Variants in ACOT7 observed in about 807,000 individuals in gnomAD.
ACOT7 encodes acyl-CoA thioesterase 7.
ACOT7 carries 12 observed loss-of-function variants against 40.2 expected under a neutral mutation model. That is an observed-to-expected ratio of 0.30 (90% confidence interval 0.19 to 0.48). ACOT7 has a LOEUF of 0.48. Among genes scored for constraint, ACOT7 ranks in the 20% least tolerant of loss-of-function variants. The probability of loss-of-function intolerance (pLI) is 0.99; values close to 1 mark genes in which losing one functional copy is unlikely to be tolerated. For missense variants in ACOT7, 395 were observed against 530.8 expected (o/e 0.74, Z 2.51); for synonymous variants, 228 against 219.5 (o/e 1.04, Z -0.34).
chr1:6,393,571 G>A lies in ACOT7; in HGVS notation c.-172C>T. ...GAGCTCGCGCGGGCGTACGATTCTG[G>A]CGGCGTGGGGGCCCAGGCAGCCGCC... On this transcript the variant is annotated 5_prime_UTR_variant, in exon 1 of 9. Coordinates refer to ENST00000361521, the MANE Select transcript of ACOT7 (RefSeq NM_007274.4). 1 of 513,078 alleles carries A rather than the reference G, an allele frequency of 1.9e-6. No homozygotes were observed. The highest frequency in any genetic ancestry group is 2.9e-6 in the Non-Finnish European group (1 of 347,304). The allele number at this position is 513,078 out of a possible 1,614,324, so 31.8% of individuals were successfully genotyped here. A position where few individuals can be genotyped will look rare whatever the true frequency, so the allele number is the denominator to read the frequency against.
chr1:6,321,541 G>A (rs1459692066), intron 5 of ACOT7, among the ~76,000 whole-genome samples: 1 of 152,202 alleles, frequency 6.6e-6, no homozygotes, highest in Non-Finnish European at 1.5e-5. Context: ...TTGAGACGGA[G>A]TCTCGCTCTG....
rs145048060 is a variant in ACOT7 at position 6,300,854 on chromosome 1, G to A, written c.713-5874C>T. Among the ~76,000 whole-genome samples, 627 of 152,286 alleles carry A rather than the reference G, an allele frequency of 4.1e-3. 2 individuals carry two copies. Among genetic ancestry groups the A allele is most frequent in the African/African-American group, 0.015 (604 of 41,546 alleles). ...CACAAACACAGAATGACCAACACCG[G>A]GTCTCACTGGACAACACCCGATGAG... On this transcript the variant is annotated intron_variant, in intron 6 of 8. Transcript: ENST00000361521.
chr1:6,316,193 G>A (rs889255658), intron 6 of ACOT7, among the ~76,000 whole-genome samples: 25 of 152,192 alleles, frequency 1.6e-4, no homozygotes, highest in Non-Finnish European at 3.7e-4. Flanking sequence ...CACAATACTC[G>A]GAAGTGGCAG....
chr1:6,273,740 C>T (rs1476955157), intron 8 of ACOT7, among the ~76,000 whole-genome samples: 1 of 152,282 alleles, frequency 6.6e-6, no homozygotes, highest in East Asian at 1.9e-4. Context: ...AGAGCCCGCA[C>T]ACGGGCGCAG....
chr1:6,290,359 T>C (rs995304786), intron 7 of ACOT7, among the ~76,000 whole-genome samples: 4 of 152,200 alleles, frequency 2.6e-5, no homozygotes, highest in Admixed American at 2.6e-4. Flanking sequence ...TCTCAACTCC[T>C]GGGCTTTTCC....
In ACOT7 at chr1:6,385,834, G is replaced by GTT. The variant is rs1553163150; in HGVS notation, c.143+7422_143+7423insAA. The GTT allele has an allele frequency of 1.2e-3, 1,763 of 1,411,244 alleles. 23 individuals carry two copies. Among genetic ancestry groups the GTT allele is most frequent in the African/African-American group, 1.1e-3 (77 of 68,960 alleles). The allele number at this position is 1,411,244 out of a possible 1,614,324, so 87.4% of individuals were successfully genotyped here. On this transcript the variant is annotated intron_variant, in intron 1 of 8. Transcript: ENST00000361521. ...GACCGCCCCTCCCCCACCAGCCCCCGGCAAGCCGCCTCCTCGGCTTCCGGA... is the reference window on the plus strand; with the variant it reads ...GACCGCCCCTCCCCCACCAGCCCCCGTTGCAAGCCGCCTCCTCGGCTTCCGGA...
At chr1:6,376,474 A>G (rs1217901095) in intron 1 of ACOT7, among the ~76,000 whole-genome samples, 2 of 151,830 alleles carry the variant, frequency 1.3e-5, no homozygotes, top group Admixed American at 6.6e-5. Context: ...CATGCATGTA[A>G]TCCCAGCACT....
At position 6,393,335 on chromosome 1, in the gene ACOT7, G is replaced by T. The variant is rs779880776; in HGVS notation, c.65C>A (p.Pro22Gln). The T allele has an allele frequency of 7.9e-7, 1 of 1,258,492 alleles. No homozygotes were observed. Among genetic ancestry groups the T allele is most frequent in the Non-Finnish European group, 1.0e-6 (1 of 1,001,892 alleles). The allele number at this position is 1,258,492 out of a possible 1,614,324, so 78.0% of individuals were successfully genotyped here. The part of the protein sequence containing the change: ...GLPDTCALLQ[P>Q]PAASAAAAPS... ...GGCTGCGGCGGCGGATGCGGCGGGC[G>T]GCTGCAGAAGGGCGCAGGTGTCTGG... The change falls in exon 1 of 9, where the codon CCG becomes CAG. Residue 22 changes from proline (P) to glutamine (Q), a missense_variant. Transcript: ENST00000361521.
At chr1:6,322,746 C>T (rs1427483391) in intron 5 of ACOT7, among the ~76,000 whole-genome samples, 1 of 152,238 alleles carries the variant, frequency 6.6e-6, no homozygotes, top group Non-Finnish European at 1.5e-5. Flanking sequence ...CATTCAGTGA[C>T]ATTCTGAGGG....
intron 6 of ACOT7, among the ~76,000 whole-genome samples, chr1:6,298,834 C>T (rs775906780): frequency 2.4e-4 from 36 of 152,196 alleles, no homozygotes; most frequent in Admixed American, 1.8e-3. Flanking sequence ...TAGCCCAGGA[C>T]GGCAAGGAAG....
chr1:6,386,148 G>C (rs6687830), intron 1 of ACOT7, among the ~76,000 whole-genome samples: 11,557 of 152,258 alleles, frequency 0.076, 490 homozygotes, highest in Non-Finnish European at 0.091. Flanking sequence ...GGAAGGCTGC[G>C]GGGAAGCCGA....
chr1:6,338,572 T>C lies in ACOT7; in HGVS notation c.418+861A>G, dbSNP rs1159153145. Reference sequence around the variant, plus strand: ...ACACAGCCATTCTAATCAACCCTGCTGAGGTCCTCAGAATGTTCTAGATGC... The same window carrying C: ...ACACAGCCATTCTAATCAACCCTGCCGAGGTCCTCAGAATGTTCTAGATGC... On this transcript the variant is annotated intron_variant, in intron 3 of 8. Coordinates refer to ENST00000361521, the MANE Select transcript of ACOT7 (RefSeq NM_007274.4). The surrounding 1 kb of genome is among the most constrained non-coding windows in gnomAD (Gnocchi z 4.4). 6.6e-6 allele frequency among the ~76,000 whole-genome samples: 1 copy of C among 152,236 alleles called. No homozygotes were observed. Among genetic ancestry groups the C allele is most frequent in the Non-Finnish European group, 1.5e-5 (1 of 68,042 alleles).
chr1:6,269,086 C>T (rs1475116850), intron 8 of ACOT7, among the ~76,000 whole-genome samples: 1 of 152,252 alleles, frequency 6.6e-6, no homozygotes, highest in Non-Finnish European at 1.5e-5. Context: ...CCAACAACCC[C>T]ACCAAGCAGC....
intron 8 of ACOT7, among the ~76,000 whole-genome samples, chr1:6,270,337 C>G (rs774613070): frequency 2.0e-5 from 3 of 152,166 alleles, no homozygotes; most frequent in Non-Finnish European, 2.9e-5. Flanking sequence ...GAACGCTCTG[C>G]GGGAAGACAG....
intron 6 of ACOT7, among the ~76,000 whole-genome samples, chr1:6,297,599 G>A (rs72854332): frequency 0.076 from 11,497 of 152,194 alleles, 1,057 homozygotes; most frequent in African/African-American, 0.22. Context: ...TGAGAGGCAC[G>A]CATCTTGTGG....
chr1:6,303,534 G>A (rs566895698), intron 6 of ACOT7, among the ~76,000 whole-genome samples: 1 of 152,312 alleles, frequency 6.6e-6, no homozygotes, highest in South Asian at 2.1e-4. Flanking sequence ...GCAAACCCAA[G>A]GCGGCAGTTC....
At chr1:6,334,498 G>T (rs548693335) in intron 3 of ACOT7, among the ~76,000 whole-genome samples, 1 of 152,254 alleles carries the variant, frequency 6.6e-6, no homozygotes, top group Non-Finnish European at 1.5e-5. Context: ...ACAGAGCAGC[G>T]GAGCCAGCTC....
rs115145455 is a variant in ACOT7, at chr1:6,359,508, C to T, written c.144-9642G>A. On this transcript the variant is annotated intron_variant, in intron 1 of 8. Coordinates refer to ENST00000361521, the MANE Select transcript of ACOT7 (RefSeq NM_007274.4). This position sits in a 1 kb window ranked among gnomAD's most constrained non-coding sequence, Gnocchi z 4.1. ...CTGCTTCAGAGGATGCCATGCCTGTCTTGGGGCTCAGCAACTCCACTACCC... is the reference window on the plus strand; with the variant it reads ...CTGCTTCAGAGGATGCCATGCCTGTTTTGGGGCTCAGCAACTCCACTACCC... Among the ~76,000 whole-genome samples, 957 of 151,614 alleles carry T rather than the reference C, an allele frequency of 6.3e-3. 12 individuals carry two copies. The highest frequency in any genetic ancestry group is 0.022 in the African/African-American group (900 of 41,352).
At chr1:6,390,032 G>A (rs532990075) in intron 1 of ACOT7, among the ~76,000 whole-genome samples, 5 of 152,118 alleles carry the variant, frequency 3.3e-5, no homozygotes, top group Admixed American at 3.3e-4. Flanking sequence ...TTCAACTTGG[G>A]GTGTCAGCTC....
Sources: gnomAD v4.1 joint callset for allele counts (sites outside exome capture counted in the v4.1 genomes callset) on GRCh38, gnomAD v4.1.1 for gene constraint, Gnocchi (gnomAD v3.1) non-coding constraint, MANE v1.5 for transcripts, NCBI Gene and HGNC (gene_info 2026-07-23, HGNC 2026-07-21) for gene names.